CLUH: variants seen among roughly 807,000 people sequenced by gnomAD.
CLUH encodes the protein CLUH binding protein of NUMT mRNA.
Under a neutral mutation model 139.3 loss-of-function variants are expected in CLUH, and 77 were observed. That is an observed-to-expected ratio of 0.55 (90% CI 0.46 to 0.67). The LOEUF (loss-of-function observed/expected upper bound fraction) is 0.67. Ranked by LOEUF, CLUH falls within the 30% of genes least tolerant of loss-of-function variation. CLUH has a pLI of 0.00. For missense variants in CLUH, 1,876 were observed against 1,875.8 expected (o/e 1.00, Z 0.00); for synonymous variants, 999 against 801.6 (o/e 1.25, Z -4.16).
chr17:2,691,067 C>T lies in CLUH; in HGVS notation c.3864-290G>A, dbSNP rs573755162. On this transcript the variant is annotated intron_variant, in intron 25 of 25. Coordinates refer to ENST00000651024, the MANE Select transcript of CLUH (RefSeq NM_001366661.1). Reference sequence around the variant, plus strand: ...TGCTGCCACGCCTTGCTGACCAAATCCACTCCCCACAGGAGGCCACACTGC... The same window carrying T: ...TGCTGCCACGCCTTGCTGACCAAATTCACTCCCCACAGGAGGCCACACTGC... Among the ~76,000 whole-genome samples, 83 of 151,934 alleles carry T rather than the reference C, an allele frequency of 5.5e-4. 1 individual carries two copies. Among genetic ancestry groups the T allele is most frequent in the African/African-American group, 1.9e-3 (80 of 41,478 alleles).
At chr17:2,705,245 C>T (rs1414364960) in intron 1 of CLUH, among the ~76,000 whole-genome samples, 2 of 152,126 alleles carry the variant, frequency 1.3e-5, no homozygotes, top group South Asian at 2.1e-4. Flanking sequence ...GTCACCCACC[C>T]TAAATCTCCC....
In CLUH at chr17:2,696,166, G is replaced by A; in HGVS notation, c.2384C>T (p.Pro795Leu). The A allele has an allele frequency of 1.3e-6, 2 of 1,559,980 alleles. No homozygotes were observed. The highest frequency in any genetic ancestry group is 8.7e-7 in the Non-Finnish European group (1 of 1,152,160). ...CCGCAGCCCCTCCCTCACCAAGCCA[G>A]GGATCTGGCAGGAGAGCAGGAAGGC... The part of the protein sequence containing the change: ...AAAFLLSCQI[P>L]GLVKDCMEHA... The change falls in exon 13 of 26, where the codon CCT becomes CTT. Residue 795 changes from proline (P) to leucine (L), a missense_variant. Coordinates refer to ENST00000651024, the MANE Select transcript of CLUH (RefSeq NM_001366661.1).
In CLUH at chr17:2,697,982, T is replaced by C. The variant is rs1211513766; in HGVS notation, c.1875A>G (p.Glu625=). 6.3e-7 allele frequency: 1 copy of C among 1,590,232 alleles called. No individual in the cohort carries two copies. The highest frequency in any genetic ancestry group is 8.5e-7 in the Non-Finnish European group (1 of 1,173,466). Residue 625 remains glutamate (E), a synonymous_variant, in exon 10 of 26, where the codon GAA becomes GAG. Transcript: ENST00000651024. ...LPVPGEELPE[E]CARAGFPRAH... is the part of the protein sequence containing the mutation. ...CGCGGGGGAAGCCGGCGCGGGCGCA[T>C]TCCTCAGGCAGCTCCTCGCCAGGCA...
At position 2,711,679 on chromosome 17, in the gene CLUH, T is replaced by A. The variant is rs1283975617; in HGVS notation, c.-18A>T. On this transcript the variant is annotated 5_prime_UTR_variant, in exon 1 of 26. Transcript: ENST00000651024. The stretch of plus-strand genomic sequence containing the variant: ...ATAACCATGGTGGCGGGAGCGGGCG[T>A]CCGCCTCGGCTGTCCGCGCCGCCCG... 2 of 969,958 alleles carry A rather than the reference T, an allele frequency of 2.1e-6. No individual in the cohort carries two copies. The highest frequency in any genetic ancestry group is 2.5e-6 in the Non-Finnish European group (2 of 816,272). 60.1% of individuals were successfully genotyped at this position (969,958 alleles called of 1,614,324 possible).
At chr17:2,691,284 C>T (rs2069617410) in intron 25 of CLUH, among the ~76,000 whole-genome samples, 1 of 151,724 alleles carries the variant, frequency 6.6e-6, no homozygotes, top group African/African-American at 2.4e-5. Flanking sequence ...GCGGGGCGGG[C>T]CGGGCGCGAT....
rs1390032259 is a variant in CLUH at position 2,690,639 on chromosome 17, G to C, written c.4002C>G (p.Ser1334=). 4.6e-6 allele frequency: 7 copies of C among 1,510,588 alleles called. No individual in the cohort carries two copies. Among genetic ancestry groups the C allele is most frequent in the Non-Finnish European group, 5.3e-6 (6 of 1,135,818 alleles). The allele number at this position is 1,510,588 out of a possible 1,614,324, so 93.6% of individuals were successfully genotyped here. A position where few individuals can be genotyped will look rare whatever the true frequency, so the allele number is the denominator to read the frequency against. Reference sequence around the variant, plus strand: ...AAGGGTCCTTGGCAGCCGGGGGCTGGGAGCCCAGGTCTCCTGGGGCCCCCG... The same window carrying C: ...AAGGGTCCTTGGCAGCCGGGGGCTGCGAGCCCAGGTCTCCTGGGGCCCCCG... ...APAGAPGDLG[S]QPPAAKDPSP... is the part of the protein sequence containing the mutation. The change falls in exon 26 of 26, where the codon TCC becomes TCG. Residue 1334 remains serine (S), a synonymous_variant. Transcript: ENST00000651024.
intron 1 of CLUH, among the ~76,000 whole-genome samples, chr17:2,708,881 A>C (rs2070430368): frequency 6.8e-6 from 1 of 147,124 alleles, no homozygotes; most frequent in African/African-American, 2.5e-5. Flanking sequence ...GAGCAGAACT[A>C]TCCCAGTCAC....
intron 19 of CLUH, among the ~76,000 whole-genome samples, chr17:2,693,459 C>A (rs2069796283): frequency 4.6e-5 from 7 of 152,120 alleles, no homozygotes. Context: ...AGTCCCTTTG[C>A]AGGGAGTAGG....
chr17:2,696,878 T>G lies in CLUH; in HGVS notation c.2026A>C (p.Thr676Pro). The G allele has an allele frequency of 6.2e-7, 1 of 1,612,676 alleles. No homozygotes were observed. Among genetic ancestry groups the G allele is most frequent in the Non-Finnish European group, 8.5e-7 (1 of 1,179,540 alleles). ...CCACCATTTTCCAGGGAGGAGGGGGTCTCCAGCTGGCTGGCGTTCTGCTGC... is the reference window on the plus strand; with the variant it reads ...CCACCATTTTCCAGGGAGGAGGGGGGCTCCAGCTGGCTGGCGTTCTGCTGC... ...LMQQNASQLE[T>P]PSSLENGGPS... The change falls in exon 11 of 26, where the codon ACC becomes CCC. Residue 676 changes from threonine to proline, a missense_variant. Physicochemically the swap from Thr to Pro is conservative, Grantham distance 38. This residue lies in a region of CLUH where 1,454 missense variants were observed against 1,384.4 expected (regional missense o/e 1.05). Transcript: ENST00000651024.
At position 2,690,788 on chromosome 17, in the gene CLUH, G is replaced by A. The variant is rs776682785; in HGVS notation, c.3864-11C>T. On this transcript the variant is annotated splice_polypyrimidine_tract_variant and intron_variant, in intron 25 of 25. Coordinates refer to ENST00000651024, the MANE Select transcript of CLUH (RefSeq NM_001366661.1). ...TCCAGGTCTTTTTGGCTGAGGATAAGGGTGGGGATGGAGGTGGCTCTCAGA... is the reference window on the plus strand; with the variant it reads ...TCCAGGTCTTTTTGGCTGAGGATAAAGGTGGGGATGGAGGTGGCTCTCAGA... 4 of 1,481,466 alleles carry A rather than the reference G, an allele frequency of 2.7e-6. No homozygotes were observed. Among genetic ancestry groups the A allele is most frequent in the Admixed American group, 2.5e-5 (1 of 39,800 alleles). 91.8% of individuals were successfully genotyped at this position (1,481,466 alleles called of 1,614,324 possible).
In CLUH at chr17:2,691,883, G is replaced by C; in HGVS notation, c.3667C>G (p.His1223Asp). The change falls in exon 24 of 26, where the codon CAT (histidine) becomes GAT (aspartate). Residue 1223 changes from histidine to aspartate, a missense_variant. By Grantham distance (81) the His-to-Asp change is moderately conservative (BLOSUM62 -1). Transcript: ENST00000651024. ...TIYKTQLGED[H>D]EKTKESSEYL... ...TCGGAGCTTTCCTTGGTCTTCTCAT[G>C]GTCCTCGCCCAGCTGCGGGGAGGCG... 1 of 1,538,480 alleles carries C rather than the reference G, an allele frequency of 6.5e-7. No individual in the cohort carries two copies. Among genetic ancestry groups the C allele is most frequent in the Non-Finnish European group, 8.7e-7 (1 of 1,144,304 alleles).
chr17:2,691,587 T>C, intron 25 of CLUH, 22 bp downstream of exon 25: 1 of 1,607,632 alleles, frequency 6.2e-7, no homozygotes, highest in Non-Finnish European at 8.5e-7. Context: ...CGGGAGACAC[T>C]CGAGTGGGGC....
At chr17:2,696,582 C>A in intron 11 of CLUH, 44 bp from the exon 12 acceptor site, 1 of 1,535,482 alleles carries the variant, frequency 6.5e-7, no homozygotes, top group South Asian at 1.2e-5. Context: ...CCTCTGCCAC[C>A]GGTGGAGCTG....
At position 2,704,971 on chromosome 17, in the gene CLUH, C is replaced by T. The variant is rs935654236; in HGVS notation, c.101-407G>A. ...CCTCTCCAGCTCCATCCTCTTCCAT[C>T]CCTCCTGAGCTGTGGTCCTGGGCTG... On this transcript the variant is annotated intron_variant, in intron 1 of 25. Transcript: ENST00000651024. The surrounding 1 kb of genome is among the most constrained non-coding windows in gnomAD (Gnocchi z 5.7). Among the ~76,000 whole-genome samples the T allele has an allele frequency of 1.3e-5, 2 of 152,176 alleles. No individual in the cohort carries two copies. The highest frequency in any genetic ancestry group is 2.9e-5 in the Non-Finnish European group (2 of 68,024).
At position 2,691,863 on chromosome 17, in the gene CLUH, G is replaced by A. The variant is rs1408196070; in HGVS notation, c.3687C>T (p.Ser1229=). The stretch of plus-strand genomic sequence containing the variant: ...GGGTCAGGCACTTGAGGTACTCGGA[G>A]CTTTCCTTGGTCTTCTCATGGTCCT... ...LGEDHEKTKE[S]SEYLKCLTQQ... The change falls in exon 24 of 26, where the codon AGC becomes AGT. Residue 1229 remains serine (S), a synonymous_variant. Transcript: ENST00000651024. 7.8e-6 allele frequency: 12 copies of A among 1,546,276 alleles called. No individual in the cohort carries two copies. The highest frequency in any genetic ancestry group is 1.0e-5 in the Non-Finnish European group (12 of 1,147,234).
At chr17:2,702,124 A>T (rs966255003) in intron 3 of CLUH, 67 bp from the exon 4 acceptor site, 14 of 1,561,474 alleles carry the variant, frequency 9.0e-6, no homozygotes, top group Non-Finnish European at 1.2e-5. Context: ...TGCCCAGCAC[A>T]AAACAGGTTT....
Position 2,691,908 on chromosome 17 carries a change from G to A in CLUH, c.3655-13C>T, listed in dbSNP as rs900642481. 2 of 1,500,500 alleles carry A rather than the reference G, an allele frequency of 1.3e-6. No homozygotes were observed. The highest frequency in any genetic ancestry group is 1.5e-5 in the African/African-American group (1 of 67,124). The allele number at this position is 1,500,500 out of a possible 1,614,324, so 92.9% of individuals were successfully genotyped here. On this transcript the variant is annotated splice_polypyrimidine_tract_variant and intron_variant, in intron 23 of 25. Coordinates refer to ENST00000651024, the MANE Select transcript of CLUH (RefSeq NM_001366661.1). ...GGTCCTCGCCCAGCTGCGGGGAGGCGGGAAGGGATCAGGCCCCCCCGTGCC... is the reference window on the plus strand; with the variant it reads ...GGTCCTCGCCCAGCTGCGGGGAGGCAGGAAGGGATCAGGCCCCCCCGTGCC...
intron 19 of CLUH, among the ~76,000 whole-genome samples, chr17:2,693,533 A>G (rs9900415): frequency 0.37 from 44,604 of 119,880 alleles, 7,091 homozygotes; most frequent in African/African-American, 0.51. Flanking sequence ...ACCCCACCAC[A>G]GCCTCCACCA....
At position 2,700,769 on chromosome 17, in the gene CLUH, G is replaced by A. The variant is rs763833709; in HGVS notation, c.1082C>T (p.Thr361Ile). 2.6e-6 allele frequency: 4 copies of A among 1,543,236 alleles called. No homozygotes were observed. Among genetic ancestry groups the A allele is most frequent in the East Asian group, 2.2e-5 (1 of 44,488 alleles). The change falls in exon 8 of 26, where the codon ACA becomes ATA. Residue 361 changes from threonine (T) to isoleucine (I), a missense_variant. Coordinates refer to ENST00000651024, the MANE Select transcript of CLUH (RefSeq NM_001366661.1). ...IATPFQVYSW[T>I]APQAEHAMDC... is the part of the protein sequence containing the mutation. ...CATGGCATGCTCCGCCTGGGGGGCT[G>A]TCCAGCTGTACACCTGGAATGGGGT...
Sources: gnomAD v4.1 joint callset for allele counts (sites outside exome capture counted in the v4.1 genomes callset) on GRCh38, gnomAD v4.1.1 for gene constraint, gnomAD v4.1.1 regional missense constraint, Gnocchi (gnomAD v3.1) non-coding constraint, MANE v1.5 for transcripts, NCBI Gene and HGNC (gene_info 2026-07-23, HGNC 2026-07-21) for gene names.